LINGO2: variants seen among roughly 807,000 people sequenced by gnomAD.
The protein encoded by LINGO2 is leucine rich repeat and Ig domain containing 2.
A neutral mutation model predicts 30.6 loss-of-function variants in LINGO2; 14 were observed. The ratio of observed to expected loss-of-function variants is 0.46; its 90% CI spans 0.30 to 0.72. LINGO2 has a LOEUF of 0.72. LINGO2 is among the 30% of genes least tolerant of loss of function. LINGO2 has a pLI of 0.07. For synonymous variants in LINGO2, 317 were observed against 288.5 expected (o/e 1.10, Z -1.00); for missense variants, 729 against 751.7 (o/e 0.97, Z 0.35).
intron 2 of LINGO2, among the ~76,000 whole-genome samples, chr9:28,409,631 G>A (rs962485832): frequency 1.7e-4 from 26 of 151,040 alleles, no homozygotes; most frequent in African/African-American, 6.3e-4. Flanking sequence ...GTGTGTGTGT[G>A]TGTGTGTGTG....
chr9:28,546,298 A>G (rs1289302414), intron 1 of LINGO2, among the ~76,000 whole-genome samples: 1 of 152,110 alleles, frequency 6.6e-6, no homozygotes, highest in African/African-American at 2.4e-5. Context: ...ATAAGAGAAG[A>G]GCATTAAAAA....
At chr9:28,037,303 G>C (rs529223314) in intron 4 of LINGO2, among the ~76,000 whole-genome samples, 1 of 152,276 alleles carries the variant, frequency 6.6e-6, no homozygotes, top group East Asian at 1.9e-4. Flanking sequence ...AGTTGCTCTA[G>C]CACCATCTCT....
chr9:28,599,686 A>G (rs1421565845), intron 1 of LINGO2, among the ~76,000 whole-genome samples: 1 of 152,212 alleles, frequency 6.6e-6, no homozygotes, highest in Admixed American at 6.5e-5. Context: ...CAGGCCATCA[A>G]TAGATGGATT....
At chr9:29,176,397 G>T in the LINGO2 span, among the ~76,000 whole-genome samples, 1 of 152,120 alleles carries the variant, frequency 6.6e-6, no homozygotes, top group Non-Finnish European at 1.5e-5. Flanking sequence ...TAACAGACAC[G>T]TGGTAAGGAC....
the LINGO2 span, among the ~76,000 whole-genome samples, chr9:29,128,053 G>A: frequency 3.4e-4 from 52 of 152,202 alleles, no homozygotes; most frequent in Admixed American, 3.2e-3. Context: ...GCATGGGAAA[G>A]CATGGCTTTA....
At chr9:29,149,203 A>G in the LINGO2 span, among the ~76,000 whole-genome samples, 2 of 152,188 alleles carry the variant, frequency 1.3e-5, no homozygotes, top group Non-Finnish European at 2.9e-5. Context: ...AGTTTATTTT[A>G]ATATTTCTTA....
At chr9:28,283,345 T>G (rs1253471392) in intron 4 of LINGO2, among the ~76,000 whole-genome samples, 2 of 152,136 alleles carry the variant, frequency 1.3e-5, no homozygotes, top group Non-Finnish European at 2.9e-5. Context: ...CAGCAAACAC[T>G]TGTTTAGAAT....
At chr9:28,680,695 T>C in the LINGO2 span, among the ~76,000 whole-genome samples, 3 of 152,162 alleles carry the variant, frequency 2.0e-5, no homozygotes, top group Non-Finnish European at 4.4e-5. Flanking sequence ...TCATTGTGGC[T>C]TTAACTTGCT....
the LINGO2 span, among the ~76,000 whole-genome samples, chr9:28,918,941 A>T: frequency 6.6e-6 from 1 of 152,232 alleles, no homozygotes; most frequent in Non-Finnish European, 1.5e-5. Flanking sequence ...CTAAGGAGAA[A>T]ATATGCCCCA....
the LINGO2 span, among the ~76,000 whole-genome samples, chr9:29,127,435 G>A: frequency 1.1e-4 from 16 of 152,030 alleles, no homozygotes; most frequent in Middle Eastern, 0.017. Flanking sequence ...GCTCCATACA[G>A]GGGAACTCTT....
chr9:28,897,153 A>G, the LINGO2 span, among the ~76,000 whole-genome samples: 1 of 152,162 alleles, frequency 6.6e-6, no homozygotes, highest in Non-Finnish European at 1.5e-5. Context: ...GCTAACACTG[A>G]AGTCTCACAC....
intron 1 of LINGO2, among the ~76,000 whole-genome samples, chr9:28,583,541 T>C (rs1169864373): frequency 6.6e-6 from 1 of 152,056 alleles, no homozygotes; most frequent in African/African-American, 2.4e-5. Flanking sequence ...CTGATAAAAC[T>C]TCAGAAATAA....
the LINGO2 span, among the ~76,000 whole-genome samples, chr9:28,865,425 C>A: frequency 6.6e-6 from 1 of 152,070 alleles, no homozygotes; most frequent in Non-Finnish European, 1.5e-5. Context: ...AGGCCAGTTT[C>A]CCCAGTGAAA....
At chr9:28,928,596 T>C in the LINGO2 span, among the ~76,000 whole-genome samples, 1 of 152,154 alleles carries the variant, frequency 6.6e-6, no homozygotes, top group Non-Finnish European at 1.5e-5. Flanking sequence ...TAAATGAAAC[T>C]GTAAAAGTGG....
At chr9:29,167,165 T>C in the LINGO2 span, among the ~76,000 whole-genome samples, 6 of 152,082 alleles carry the variant, frequency 3.9e-5, no homozygotes, top group African/African-American at 7.2e-5. Context: ...GAACAGGCCA[T>C]AAAACATCAA....
chr9:29,213,488 G>A, the LINGO2 span, among the ~76,000 whole-genome samples: 1 of 152,092 alleles, frequency 6.6e-6, no homozygotes, highest in African/African-American at 2.4e-5. Context: ...CTGGGCGGGC[G>A]GCGGGCGGCG....
chr9:28,258,745 AT>A (rs2134036500), intron 4 of LINGO2, among the ~76,000 whole-genome samples: 2 of 152,060 alleles, frequency 1.3e-5, no homozygotes, highest in South Asian at 4.1e-4. Flanking sequence ...ACATTGGGAT[AT>A]TATTTTTACC....
Position 28,309,215 on chromosome 9 carries a change from A to C in LINGO2, c.-245-13849T>G, listed in dbSNP as rs375187182. 2.9e-4 allele frequency among the ~76,000 whole-genome samples: 44 copies of C among 152,306 alleles called. 1 individual carries two copies. The East Asian group carries it at 6.8e-3, about 23-fold the overall frequency. ...CAACGAAGATAGACTGGATTAAGAA[A>C]ATGTGGCACATATACACCATGGAAT... On this transcript the variant is annotated intron_variant, in intron 3 of 5. Coordinates refer to ENST00000379992, the Ensembl canonical transcript of LINGO2.
chr9:28,171,897 C>T (rs1828596070), intron 4 of LINGO2, among the ~76,000 whole-genome samples: 1 of 150,588 alleles, frequency 6.6e-6, no homozygotes, highest in Non-Finnish European at 1.5e-5. Context: ...TGGCGGGCCC[C>T]TGTAGTTCCA....
Sources: gnomAD v4.1 joint callset for allele counts (sites outside exome capture counted in the v4.1 genomes callset) on GRCh38, gnomAD v4.1.1 for gene constraint, MANE v1.5 for transcripts, NCBI Gene and HGNC (gene_info 2026-07-23, HGNC 2026-07-21) for gene names.